RNGTT: variants seen among roughly 807,000 people sequenced by gnomAD.
RNGTT encodes the protein RNA guanylyltransferase and 5'-phosphatase, also known as mRNA-capping enzyme.
A neutral mutation model predicts 79.3 loss-of-function variants in RNGTT; 33 were observed. That is an observed-to-expected ratio of 0.42 (90% CI 0.32 to 0.56). The LOEUF (loss-of-function observed/expected upper bound fraction) is 0.56, where lower values mean the gene tolerates loss of function less well. Ranked by LOEUF, RNGTT falls within the 20% of genes least tolerant of loss-of-function variation. RNGTT has a pLI of 0.17. For missense variants in RNGTT, 497 were observed against 739.1 expected, an observed-to-expected ratio of 0.67 and a Z score of 3.80; for synonymous variants, 222 against 235.9, an observed-to-expected ratio of 0.94 and a Z score of 0.54.
At chr6:88,896,223 C>T (rs1479445557) in intron 6 of RNGTT, among the ~76,000 whole-genome samples, 1 of 152,192 alleles carries the variant, frequency 6.6e-6, no homozygotes, top group Non-Finnish European at 1.5e-5. Context: ...GGCATAACAA[C>T]TCTCTTTAAG....
chr6:88,943,573 A>AC (rs899958370), intron 1 of RNGTT, among the ~76,000 whole-genome samples: 19 of 151,996 alleles, frequency 1.3e-4, no homozygotes, highest in Non-Finnish European at 7.4e-5. Context: ...GGAAAAAAAA[A>AC]ACACACACAC....
chr6:88,852,142 G>A (rs866907950), intron 9 of RNGTT, among the ~76,000 whole-genome samples: 5 of 151,858 alleles, frequency 3.3e-5, no homozygotes, highest in Middle Eastern at 3.4e-3. Context: ...CTCTCTTTGG[G>A]TTATTGTTTT....
intron 12 of RNGTT, among the ~76,000 whole-genome samples, chr6:88,783,754 T>A (rs868246060): frequency 6.7e-6 from 1 of 149,666 alleles, no homozygotes; most frequent in African/African-American, 2.5e-5. Flanking sequence ...TTGTGGGGGC[T>A]GTTCCGTGCA....
chr6:88,939,852 A>T (rs186202623), intron 2 of RNGTT, among the ~76,000 whole-genome samples: 2 of 151,544 alleles, frequency 1.3e-5, no homozygotes, highest in Admixed American at 1.3e-4. Context: ...TCCTGGGTTC[A>T]AGTGATCCTC....
intron 11 of RNGTT, among the ~76,000 whole-genome samples, chr6:88,810,946 T>A (rs1780119443): frequency 6.6e-6 from 1 of 152,224 alleles, no homozygotes; most frequent in African/African-American, 2.4e-5. Flanking sequence ...AACATAAGCC[T>A]TGGCCAATGT....
intron 11 of RNGTT, among the ~76,000 whole-genome samples, chr6:88,812,927 C>T (rs955234727): frequency 3.3e-5 from 5 of 152,120 alleles, no homozygotes; most frequent in African/African-American, 1.2e-4. Flanking sequence ...GTACTAATTA[C>T]ATATTCATTT....
chr6:88,914,392 A>G (rs1783930376), intron 4 of RNGTT, among the ~76,000 whole-genome samples: 1 of 152,164 alleles, frequency 6.6e-6, no homozygotes, highest in East Asian at 1.9e-4. Context: ...AACTATGCTA[A>G]TAAGGCTACA....
At chr6:88,836,621 A>G (rs1781089517) in intron 11 of RNGTT, among the ~76,000 whole-genome samples, 1 of 152,082 alleles carries the variant, frequency 6.6e-6, no homozygotes, top group South Asian at 2.1e-4. Context: ...ACGTGCTTAT[A>G]GTCCCAGCTA....
chr6:88,683,983 C>T lies in RNGTT; in HGVS notation c.1440-5564G>A, dbSNP rs148905911. ...TGAGTCATGAATGCACCACTGTACT[C>T]CAGCCTGAGTGACAGCAAAAACCCG... On this transcript the variant is annotated intron_variant, in intron 13 of 15. Coordinates refer to ENST00000369485, the MANE Select transcript of RNGTT (RefSeq NM_003800.5). Among the ~76,000 whole-genome samples the T allele has an allele frequency of 4.1e-3, 618 of 152,022 alleles. 6 individuals carry two copies. The highest frequency in any genetic ancestry group is 0.015 in the African/African-American group (602 of 41,434).
intron 14 of RNGTT, among the ~76,000 whole-genome samples, chr6:88,673,725 T>C (rs938378932): frequency 6.6e-6 from 1 of 152,228 alleles, no homozygotes; most frequent in African/African-American, 2.4e-5. Flanking sequence ...GAAAATGTTA[T>C]GTTAATAAAT....
chr6:88,925,418 G>GT (rs1355321546), intron 4 of RNGTT, among the ~76,000 whole-genome samples: 2 of 151,886 alleles, frequency 1.3e-5, no homozygotes, highest in African/African-American at 4.8e-5. Context: ...TGGTGAAACA[G>GT]TGTCTCTACA....
chr6:88,651,237 C>T (rs1025811146), intron 14 of RNGTT, among the ~76,000 whole-genome samples: 3 of 152,082 alleles, frequency 2.0e-5, no homozygotes, highest in African/African-American at 7.2e-5. Flanking sequence ...ACAAGCAGAA[C>T]TCAGAAAGGG....
At chr6:88,857,610 T>C (rs574744287) in intron 8 of RNGTT, among the ~76,000 whole-genome samples, 3 of 152,276 alleles carry the variant, frequency 2.0e-5, no homozygotes, top group Admixed American at 6.5e-5. Flanking sequence ...AAAAGCATAC[T>C]AGTCAAGCAT....
chr6:88,928,855 T>G, intron 4 of RNGTT, 130 bp downstream of exon 4: 1 of 616,482 alleles, frequency 1.6e-6, no homozygotes, highest in South Asian at 2.4e-5. Flanking sequence ...AATCTCTCAT[T>G]TTAATAAACA....
intron 13 of RNGTT, among the ~76,000 whole-genome samples, chr6:88,768,139 AGTGTGT>A (rs71021394): frequency 6.0e-5 from 9 of 148,820 alleles, no homozygotes; most frequent in African/African-American, 2.0e-4. Flanking sequence ...ATTTAGGGAT[AGTGTGT>A]GTGTGTGTGT....
intron 12 of RNGTT, among the ~76,000 whole-genome samples, chr6:88,782,873 TATCA>T (rs1340298620): frequency 2.0e-5 from 3 of 152,110 alleles, no homozygotes; most frequent in Non-Finnish European, 4.4e-5. Flanking sequence ...GGATGCCTAT[TATCA>T]AAAAGGCAAG....
At chr6:88,705,281 A>C (rs1485614187) in intron 13 of RNGTT, among the ~76,000 whole-genome samples, 1 of 152,322 alleles carries the variant, frequency 6.6e-6, no homozygotes, top group East Asian at 1.9e-4. Context: ...AAAGCAACAC[A>C]AACAAAAAAT....
At chr6:88,737,553 T>C (rs1777328968) in intron 13 of RNGTT, among the ~76,000 whole-genome samples, 1 of 152,148 alleles carries the variant, frequency 6.6e-6, no homozygotes, top group African/African-American at 2.4e-5. Context: ...TATTTGAAAA[T>C]ACGGCCTCTT....
intron 13 of RNGTT, among the ~76,000 whole-genome samples, chr6:88,713,858 T>C (rs1053331216): frequency 1.6e-4 from 24 of 152,252 alleles, no homozygotes; most frequent in Non-Finnish European, 3.1e-4. Context: ...TTACAGACCA[T>C]GTCTATAACA....
Sources: gnomAD v4.1 joint callset for allele counts (sites outside exome capture counted in the v4.1 genomes callset) on GRCh38, gnomAD v4.1.1 for gene constraint, MANE v1.5 for transcripts, NCBI Gene and HGNC (gene_info 2026-07-23, HGNC 2026-07-21) for gene names.